UGT1A9: variants seen among roughly 807,000 people sequenced by gnomAD.
The protein encoded by UGT1A9 is UDP glucuronosyltransferase family 1 member A9.
A neutral mutation model predicts 45.0 loss-of-function variants in UGT1A9; 35 were observed. That is an observed-to-expected ratio of 0.78 (90% CI 0.59 to 1.03). UGT1A9 has a LOEUF of 1.03. UGT1A9 is among the 50% of genes least tolerant of loss of function. The probability of loss-of-function intolerance (pLI) is 0.00; values close to 1 mark genes in which losing one functional copy is unlikely to be tolerated. For synonymous variants in UGT1A9, 278 were observed against 250.6 expected (o/e 1.11, Z -1.03); for missense variants, 687 against 666.6 (o/e 1.03, Z -0.34).
chr2:233,673,736 A>G (rs1459418827), intron 1 of UGT1A9, among the ~76,000 whole-genome samples: 4 of 152,176 alleles, frequency 2.6e-5, no homozygotes, highest in Non-Finnish European at 4.4e-5. Flanking sequence ...TTCCATTTCT[A>G]CATGTAACTG....
At chr2:233,674,130 C>G (rs1437871009) in intron 1 of UGT1A9, among the ~76,000 whole-genome samples, 11 of 152,152 alleles carry the variant, frequency 7.2e-5, no homozygotes, top group Non-Finnish European at 1.6e-4. Flanking sequence ...ATTGTTCTGG[C>G]TCCTTACAAG....
chr2:233,686,136 A>C (rs571767710), intron 1 of UGT1A9, among the ~76,000 whole-genome samples: 1 of 152,306 alleles, frequency 6.6e-6, no homozygotes, highest in East Asian at 1.9e-4. Context: ...TCATATATAA[A>C]AATTAACTTG....
Position 233,757,535 on chromosome 2 carries a change from A to AATATATATATATATAT in UGT1A9, c.856-9488_856-9473dup, listed in dbSNP as rs67292694. On this transcript the variant is annotated intron_variant, in intron 1 of 4. Coordinates refer to ENST00000354728, the MANE Select transcript of UGT1A9 (RefSeq NM_021027.3). Reference sequence around the variant, plus strand: ...CAAAGCCAAAATCTTGCCTGTAAGGAATATATATATATATATATATATATA... The same window carrying AATATATATATATATAT: ...CAAAGCCAAAATCTTGCCTGTAAGGAATATATATATATATATATATATATATATATATATATATATA... 5.8e-3 allele frequency among the ~76,000 whole-genome samples: 508 copies of AATATATATATATATAT among 88,168 alleles called. 6 individuals are homozygous for AATATATATATATATAT. The highest frequency in any genetic ancestry group is 0.021 in the Admixed American group (195 of 9,086). 57.8% of individuals were successfully genotyped at this position (88,168 alleles called of 152,430 possible).
chr2:233,717,657 C>T (rs2076595751), intron 1 of UGT1A9: 1 of 407,814 alleles, frequency 2.5e-6, no homozygotes, highest in South Asian at 1.8e-5. Context: ...GACAAGGAAG[C>T]ATCAGCAATC....
chr2:233,690,597 A>G, intron 1 of UGT1A9: 1 of 1,289,586 alleles, frequency 7.8e-7, no homozygotes, highest in East Asian at 5.5e-5. Context: ...AGAAAAAAAA[A>G]AAATCGGCCT....
intron 1 of UGT1A9, chr2:233,741,590 C>T (rs4663964): frequency 0.069 from 10,438 of 151,876 alleles, 561 homozygotes; most frequent in East Asian, 0.2. Flanking sequence ...CACCTCGGAG[C>T]ATGTTGATTT....
At chr2:233,700,814 T>C (rs909154116) in intron 1 of UGT1A9, among the ~76,000 whole-genome samples, 1 of 152,156 alleles carries the variant, frequency 6.6e-6, no homozygotes, top group African/African-American at 2.4e-5. Flanking sequence ...GTTGGTGTGC[T>C]GCACCCATTA....
At chr2:233,742,280 A>G (rs1486280024) in intron 1 of UGT1A9, among the ~76,000 whole-genome samples, 2 of 152,020 alleles carry the variant, frequency 1.3e-5, no homozygotes, top group Non-Finnish European at 2.9e-5. Flanking sequence ...GATAAGCATC[A>G]TTTCTATAGA....
intron 1 of UGT1A9, among the ~76,000 whole-genome samples, chr2:233,707,993 G>A (rs993709238): frequency 1.3e-5 from 2 of 152,098 alleles, no homozygotes; most frequent in African/African-American, 2.4e-5. Context: ...TTGTCTACTC[G>A]AATTATGTAT....
chr2:233,719,162 G>T (rs1279561037), intron 1 of UGT1A9: 6 of 1,614,136 alleles, frequency 3.7e-6, no homozygotes, highest in Non-Finnish European at 4.2e-6. Context: ...CTAGAAGTAT[G>T]GCAATTATGA....
chr2:233,772,072 C>T (rs1304190129), intron 4 of UGT1A9, among the ~76,000 whole-genome samples, 190 bp from the exon 5 acceptor site: 2 of 152,100 alleles, frequency 1.3e-5, no homozygotes, highest in Non-Finnish European at 2.9e-5. Flanking sequence ...ATGCTTGTGC[C>T]ACTACACTCC....
intron 1 of UGT1A9, among the ~76,000 whole-genome samples, chr2:233,694,360 T>C (rs751407402): frequency 6.6e-6 from 1 of 152,042 alleles, no homozygotes; most frequent in Non-Finnish European, 1.5e-5. Context: ...GAGCTAAGAA[T>C]GGTTTTTGTA....
At chr2:233,693,552 G>A in intron 1 of UGT1A9, 3 of 1,614,184 alleles carry the variant, frequency 1.9e-6, no homozygotes, top group Non-Finnish European at 2.5e-6. Context: ...CATACATTCA[G>A]CAGAAGCCCA....
chr2:233,681,099 C>A (rs940932647), intron 1 of UGT1A9, among the ~76,000 whole-genome samples: 1 of 151,718 alleles, frequency 6.6e-6, no homozygotes, highest in Admixed American at 6.6e-5. Flanking sequence ...CTCTGCAATG[C>A]GCAAGTGAGC....
chr2:233,730,566 G>A (rs1350125224), intron 1 of UGT1A9, among the ~76,000 whole-genome samples: 2 of 152,136 alleles, frequency 1.3e-5, no homozygotes, highest in African/African-American at 2.4e-5. Flanking sequence ...AATGACACAC[G>A]AAGTTCAGTT....
rs10445705 is a variant in UGT1A9 at position 233,768,141 on chromosome 2, G to A, written c.1076-79G>A. Reference sequence around the variant, plus strand: ...ATGTGAGTAACACTGAGTCTTTGGAGTGTTTTCAGAACCTAGATGTGTCCA... The same window carrying A: ...ATGTGAGTAACACTGAGTCTTTGGAATGTTTTCAGAACCTAGATGTGTCCA... On this transcript the variant is annotated intron_variant, in intron 3 of 4. Coordinates refer to ENST00000354728, the MANE Select transcript of UGT1A9 (RefSeq NM_021027.3). The A allele has an allele frequency of 3.8e-3, 6,135 of 1,610,076 alleles. 218 individuals carry two copies. The African/African-American group carries it at 0.07, about 18-fold the overall frequency.
chr2:233,684,819 T>G (rs1344738049), intron 1 of UGT1A9, among the ~76,000 whole-genome samples: 1 of 152,164 alleles, frequency 6.6e-6, no homozygotes. Flanking sequence ...CAAAAGTAAA[T>G]TGTCATAGAA....
intron 1 of UGT1A9, among the ~76,000 whole-genome samples, chr2:233,746,093 C>A (rs887469557): frequency 1.5e-4 from 23 of 151,770 alleles, no homozygotes; most frequent in African/African-American, 5.1e-4. Flanking sequence ...TATACAGAAA[C>A]ATGTCCAGAG....
At chr2:233,748,112 C>T in intron 1 of UGT1A9, 1 of 1,611,964 alleles carries the variant, frequency 6.2e-7, no homozygotes, top group South Asian at 1.1e-5. Flanking sequence ...AATCAATGTT[C>T]CAGGCAAAAC....
Sources: allele counts gnomAD v4.1 joint callset (sites outside exome capture counted in the v4.1 genomes callset), GRCh38; gene constraint gnomAD v4.1.1; transcripts MANE v1.5; gene names NCBI Gene and HGNC (gene_info 2026-07-23, HGNC 2026-07-21).